Variants in ITGBL1 observed in about 807,000 individuals in gnomAD.
The protein encoded by ITGBL1 is integrin subunit beta like 1, also known as integrin beta-like protein 1.
In ITGBL1, 51 loss-of-function variants were observed where a neutral mutation model predicts 68.5. The observed-to-expected ratio is 0.74, with a 90% CI of 0.59 to 0.94. The LOEUF (loss-of-function observed/expected upper bound fraction) is 0.94, where lower values mean the gene tolerates loss of function less well. Ranked by LOEUF, ITGBL1 falls within the 40% of genes least tolerant of loss-of-function variation. The pLI, the probability that ITGBL1 is intolerant of heterozygous loss-of-function variation, is 0.00. For synonymous variants in ITGBL1, 209 were observed against 227.3 expected (o/e 0.92, Z 0.72); for missense variants, 649 against 647.4 (o/e 1.00, Z -0.03).
In ITGBL1 at chr13:101,459,877, AT is replaced by A. The variant is rs974316308; in HGVS notation, c.316+5785del. Among the ~76,000 whole-genome samples, 10 of 152,204 alleles carry A rather than the reference AT, an allele frequency of 6.6e-5. No homozygotes were observed. The East Asian group carries it at 1.2e-3, about 18-fold the overall frequency. ...CATTTTTAATATGTAAAAATTAGTA[AT>A]TTTTTTTCTTGAAGATATTTGACTT... On this transcript the variant is annotated intron_variant, in intron 2 of 10. Coordinates refer to ENST00000376180, the MANE Select transcript of ITGBL1 (RefSeq NM_004791.3).
At chr13:101,649,441 G>A (rs1450681406) in intron 7 of ITGBL1, among the ~76,000 whole-genome samples, 1 of 152,124 alleles carries the variant, frequency 6.6e-6, no homozygotes, top group East Asian at 1.9e-4. Flanking sequence ...GTCAATGTAA[G>A]AAGGGTTCCT....
chr13:101,454,871 G>A (rs527932130), intron 2 of ITGBL1, among the ~76,000 whole-genome samples: 74 of 152,208 alleles, frequency 4.9e-4, no homozygotes, highest in African/African-American at 1.6e-3. Context: ...TTTTTGAGTT[G>A]CAATGAAACT....
intron 2 of ITGBL1, among the ~76,000 whole-genome samples, chr13:101,513,072 G>A (rs894889557): frequency 2.0e-5 from 3 of 151,936 alleles, no homozygotes; most frequent in South Asian, 4.1e-4. Context: ...AGGCATTATC[G>A]ATGAGAACTT....
chr13:101,632,871 AAT>A (rs2032032003), intron 7 of ITGBL1, among the ~76,000 whole-genome samples: 1 of 152,206 alleles, frequency 6.6e-6, no homozygotes, highest in South Asian at 2.1e-4. Flanking sequence ...CCTTCAGTTT[AAT>A]TTCACCTGAT....
In ITGBL1 at chr13:101,454,089, G is replaced by A. The variant is rs1416456450; in HGVS notation, c.305G>A (p.Ser102Asn). Residue 102 changes from serine to asparagine, a missense_variant, in exon 2 of 11, where the codon AGC becomes AAC. Transcript: ENST00000376180. Reference sequence around the variant, plus strand: ...TGGGTGTGCGAGACCTACGACGGGAGCACCTGTGCAGGTAAGAGGGCGGCG... The same window carrying A: ...TGGGTGTGCGAGACCTACGACGGGAACACCTGTGCAGGTAAGAGGGCGGCG... Reference protein sequence around the residue: ...HEWVCETYDGSTCAGHGKCDC... With the variant: ...HEWVCETYDGNTCAGHGKCDC... 2.5e-6 allele frequency: 4 copies of A among 1,571,108 alleles called. No homozygotes were observed. The highest frequency in any genetic ancestry group is 1.7e-4 in the Middle Eastern group (1 of 5,962).
At position 101,622,915 on chromosome 13, in the gene ITGBL1, A is replaced by ATGTGTGTGTGTGTG. The variant is rs59267168; in HGVS notation, c.1015+24632_1015+24645dup. ...GCTGGGATGTGTGTGTGGGGTATGT[A>ATGTGTGTGTGTGTG]TGTGTGTGTGTGTGTGTGTGTGTGT... On this transcript the variant is annotated intron_variant, in intron 7 of 10. Transcript: ENST00000376180. Among the ~76,000 whole-genome samples, 326 of 148,506 alleles carry ATGTGTGTGTGTGTG rather than the reference A, an allele frequency of 2.2e-3. 1 individual carries two copies. Among genetic ancestry groups the ATGTGTGTGTGTGTG allele is most frequent in the South Asian group, 7.9e-3 (37 of 4,656 alleles).
chr13:101,500,294 AC>A, intron 2 of ITGBL1, among the ~76,000 whole-genome samples: 2 of 152,324 alleles, frequency 1.3e-5, no homozygotes, highest in Middle Eastern at 6.8e-3. Flanking sequence ...CCCATTTATA[AC>A]AGAGTTTAAT....
At chr13:101,487,567 A>G (rs1253624643) in intron 2 of ITGBL1, among the ~76,000 whole-genome samples, 2 of 152,226 alleles carry the variant, frequency 1.3e-5, no homozygotes, top group Non-Finnish European at 2.9e-5. Context: ...GTTATCACTG[A>G]TGGCCTAAGG....
At chr13:101,574,871 T>G (rs185046286) in intron 3 of ITGBL1, among the ~76,000 whole-genome samples, 2 of 152,238 alleles carry the variant, frequency 1.3e-5, no homozygotes. Flanking sequence ...CTTGTCCCAT[T>G]ATTGTAAGGA....
At chr13:101,711,560 A>G (rs1007799300) in intron 9 of ITGBL1, 9 of 152,274 alleles carry the variant, frequency 5.9e-5, no homozygotes, top group Non-Finnish European at 1.3e-4. Context: ...TACATCACAG[A>G]TAGGCAGATC....
chr13:101,655,502 G>A lies in ITGBL1; in HGVS notation c.1016-37083G>A, dbSNP rs560888326. On this transcript the variant is annotated intron_variant, in intron 7 of 10. Coordinates refer to ENST00000376180, the MANE Select transcript of ITGBL1 (RefSeq NM_004791.3). ...GATAACACAGGGGAACCACAGCATT[G>A]GAATTGAGAACAACCTGGTGTGAAA... Among the ~76,000 whole-genome samples, 437 of 152,248 alleles carry A rather than the reference G, an allele frequency of 2.9e-3. 1 individual carries two copies. Among genetic ancestry groups the A allele is most frequent in the African/African-American group, 0.01 (420 of 41,562 alleles).
chr13:101,473,451 T>G (rs1053432088), intron 2 of ITGBL1, among the ~76,000 whole-genome samples: 5 of 152,170 alleles, frequency 3.3e-5, no homozygotes, highest in Non-Finnish European at 2.9e-5. Context: ...TACAGACAGA[T>G]CATTTTGATC....
chr13:101,602,515 A>T (rs1594920557), intron 7 of ITGBL1, among the ~76,000 whole-genome samples: 1 of 152,098 alleles, frequency 6.6e-6, no homozygotes, highest in African/African-American at 2.4e-5. Context: ...GACTTTCTTC[A>T]CTTGAACATT....
intron 7 of ITGBL1, among the ~76,000 whole-genome samples, chr13:101,616,512 A>T (rs1300052059): frequency 1.3e-5 from 2 of 151,874 alleles, no homozygotes; most frequent in Admixed American, 1.3e-4. Flanking sequence ...TATTTTTTTT[A>T]AATGGAGTCT....
At chr13:101,664,154 G>A (rs917200439) in intron 7 of ITGBL1, among the ~76,000 whole-genome samples, 3 of 152,132 alleles carry the variant, frequency 2.0e-5, no homozygotes, top group Non-Finnish European at 4.4e-5. Context: ...CTGAAAATAA[G>A]TGGACTGGAC....
chr13:101,651,798 T>A (rs2032760970), intron 7 of ITGBL1, among the ~76,000 whole-genome samples: 1 of 152,148 alleles, frequency 6.6e-6, no homozygotes, highest in Non-Finnish European at 1.5e-5. Flanking sequence ...GTTTTTATAG[T>A]TTTGGGTTTT....
chr13:101,559,217 T>C (rs1442052159), intron 2 of ITGBL1, among the ~76,000 whole-genome samples: 1 of 152,202 alleles, frequency 6.6e-6, no homozygotes, highest in Non-Finnish European at 1.5e-5. Context: ...AATTAATTGA[T>C]GTCTGTCACC....
chr13:101,508,880 T>C (rs1333684841), intron 2 of ITGBL1, among the ~76,000 whole-genome samples: 3 of 152,158 alleles, frequency 2.0e-5, no homozygotes, highest in Admixed American at 6.6e-5. Context: ...TTTAAGGTTT[T>C]TTAAAAAATT....
At chr13:101,653,659 C>A (rs570385533) in intron 7 of ITGBL1, among the ~76,000 whole-genome samples, 2 of 151,930 alleles carry the variant, frequency 1.3e-5, no homozygotes, top group Non-Finnish European at 2.9e-5. Context: ...GAACTATGAC[C>A]ACACAGTAAG....
Sources: allele counts gnomAD v4.1 joint callset (sites outside exome capture counted in the v4.1 genomes callset), GRCh38; gene constraint gnomAD v4.1.1; transcripts MANE v1.5; gene names NCBI Gene and HGNC (gene_info 2026-07-23, HGNC 2026-07-21).